The following CSDE1 variants were observed in gnomAD, a reference collection of about 807,000 sequenced individuals.
CSDE1 encodes cold shock domain containing E1, also known as cold shock domain-containing protein E1.
Under a neutral mutation model 89.3 loss-of-function variants are expected in CSDE1, and 17 were observed. The ratio of observed to expected loss-of-function variants is 0.19; its 90% CI spans 0.13 to 0.29. The LOEUF (loss-of-function observed/expected upper bound fraction) is 0.29. Among genes scored for constraint, CSDE1 ranks in the 10% least tolerant of loss-of-function variants. The probability of loss-of-function intolerance (pLI) is 1.00; values close to 1 mark genes in which losing one functional copy is unlikely to be tolerated. For synonymous variants in CSDE1, 322 were observed against 332.8 expected, an observed-to-expected ratio of 0.97 and a Z score of 0.35; for missense variants, 672 against 984.2, an observed-to-expected ratio of 0.68 and a Z score of 4.24.
intron 2 of CSDE1, among the ~76,000 whole-genome samples, chr1:114,743,933 G>GATGTGAC (rs1403816931): frequency 6.6e-6 from 1 of 152,190 alleles, no homozygotes; most frequent in East Asian, 1.9e-4. Context: ...TAGATAAGTT[G>GATGTGAC]ATGTGACATG....
At chr1:114,721,456 G>T (rs1036692623) in intron 16 of CSDE1, among the ~76,000 whole-genome samples, 1 of 152,152 alleles carries the variant, frequency 6.6e-6, no homozygotes, top group African/African-American at 2.4e-5. Flanking sequence ...CTATGCCAAA[G>T]AATTCAGCTG....
At chr1:114,727,693 G>C (rs951554756) in intron 12 of CSDE1, 1 of 152,102 alleles carries the variant, frequency 6.6e-6, no homozygotes, top group Non-Finnish European at 1.5e-5. Flanking sequence ...GTACGTGTAA[G>C]AATGATTAAC....
intron 10 of CSDE1, among the ~76,000 whole-genome samples, chr1:114,731,932 A>G (rs1240693189): frequency 2.0e-5 from 3 of 152,142 alleles, no homozygotes; most frequent in African/African-American, 7.2e-5. Flanking sequence ...CTCCTGTCTC[A>G]GCCTCCTGAG....
At chr1:114,727,994 A>G (rs562443935) in intron 12 of CSDE1, among the ~76,000 whole-genome samples, 2 of 152,300 alleles carry the variant, frequency 1.3e-5, no homozygotes, top group African/African-American at 4.8e-5. Flanking sequence ...TCCAGTCCTC[A>G]TTACAAACTA....
At chr1:114,723,757 G>T in intron 16 of CSDE1, 126 bp downstream of exon 16, 1 of 1,326,392 alleles carries the variant, frequency 7.5e-7, no homozygotes, top group Non-Finnish European at 1.1e-6. Flanking sequence ...CATGAGAGAG[G>T]TCACTTTTCC....
intron 1 of CSDE1, among the ~76,000 whole-genome samples, chr1:114,751,707 C>A (rs909210536): frequency 2.8e-4 from 42 of 148,858 alleles, no homozygotes; most frequent in Admixed American, 7.3e-4. Flanking sequence ...AAAAAAAAAA[C>A]AAAAACAAAC....
intron 16 of CSDE1, among the ~76,000 whole-genome samples, chr1:114,721,341 A>C (rs1430833216): frequency 6.6e-6 from 1 of 152,162 alleles, no homozygotes; most frequent in African/African-American, 2.4e-5. Flanking sequence ...ACAATATGTA[A>C]ACAAATGGTT....
At chr1:114,724,484 G>T (rs1250637617) in intron 15 of CSDE1, among the ~76,000 whole-genome samples, 1 of 152,176 alleles carries the variant, frequency 6.6e-6, no homozygotes, top group Non-Finnish European at 1.5e-5. Flanking sequence ...ATACAGGGAT[G>T]TATCTGATTT....
At chr1:114,754,161 T>G (rs1369532728) in intron 1 of CSDE1, among the ~76,000 whole-genome samples, 1 of 151,906 alleles carries the variant, frequency 6.6e-6, no homozygotes, top group African/African-American at 2.4e-5. Flanking sequence ...GCTGGCTAAT[T>G]TTTGTATTTT....
At chr1:114,725,408 AG>A in intron 14 of CSDE1, 75 bp from the exon 15 acceptor site, 1 of 1,120,538 alleles carries the variant, frequency 8.9e-7, no homozygotes, top group South Asian at 1.2e-5. Context: ...TTTATTTTAC[AG>A]TAACAGTCAT....
chr1:114,722,929 T>G (rs1659604435), intron 16 of CSDE1, among the ~76,000 whole-genome samples: 1 of 152,210 alleles, frequency 6.6e-6, no homozygotes, highest in Non-Finnish European at 1.5e-5. Context: ...GACCTGCTAT[T>G]CAGCACTTTA....
intron 3 of CSDE1, among the ~76,000 whole-genome samples, chr1:114,739,310 C>T (rs577077288): frequency 7.2e-5 from 11 of 152,138 alleles, no homozygotes; most frequent in Non-Finnish European, 1.0e-4. Flanking sequence ...GGATTACAGG[C>T]GTAAGCCACC....
chr1:114,719,522 T>C, intron 18 of CSDE1, 57 bp downstream of exon 18: 2 of 1,529,408 alleles, frequency 1.3e-6, no homozygotes, highest in African/African-American at 1.4e-5. Context: ...AAACAGAGAC[T>C]ATAAAGTTGA....
intron 1 of CSDE1, among the ~76,000 whole-genome samples, chr1:114,751,564 C>T (rs977154206): frequency 6.6e-6 from 1 of 152,140 alleles, no homozygotes; most frequent in Non-Finnish European, 1.5e-5. Context: ...TCTCTAACAT[C>T]CCATGTTCCT....
intron 2 of CSDE1, among the ~76,000 whole-genome samples, chr1:114,744,830 G>A (rs1660930575): frequency 6.6e-6 from 1 of 152,044 alleles, no homozygotes; most frequent in Non-Finnish European, 1.5e-5. Flanking sequence ...CAGAATATAA[G>A]CTTCTTGAGG....
intron 1 of CSDE1, among the ~76,000 whole-genome samples, chr1:114,750,762 TG>T (rs1317019757): frequency 1.3e-5 from 2 of 152,208 alleles, no homozygotes; most frequent in Non-Finnish European, 2.9e-5. Context: ...GAAGTGAACC[TG>T]GAAAATCAGG....
At chr1:114,749,596 C>T (rs572775466) in intron 2 of CSDE1, among the ~76,000 whole-genome samples, 2 of 152,194 alleles carry the variant, frequency 1.3e-5, no homozygotes, top group South Asian at 2.1e-4. Flanking sequence ...ACCAGCAAGT[C>T]GAGAGATCAG....
At chr1:114,732,272 T>C (rs1296188454) in intron 10 of CSDE1, among the ~76,000 whole-genome samples, 3 of 152,206 alleles carry the variant, frequency 2.0e-5, no homozygotes, top group South Asian at 4.1e-4. Flanking sequence ...TTAAATGTCT[T>C]AGGAAATAGT....
At chr1:114,725,156 C>G (rs956585287) in intron 15 of CSDE1, 65 bp downstream of exon 15, 1 of 1,251,228 alleles carries the variant, frequency 8.0e-7, no homozygotes, top group South Asian at 1.2e-5. Context: ...TCATCTCCCT[C>G]TACTACTCCA....
Sources: allele counts gnomAD v4.1 joint callset (sites outside exome capture counted in the v4.1 genomes callset), GRCh38; gene constraint gnomAD v4.1.1; transcripts MANE v1.5; gene names NCBI Gene and HGNC (gene_info 2026-07-23, HGNC 2026-07-21).